Variants in AQP9 observed in about 807,000 individuals in gnomAD.
The protein encoded by AQP9 is aquaporin 9.
Under a neutral mutation model 23.8 loss-of-function variants are expected in AQP9, and 19 were observed. The ratio of observed to expected loss-of-function variants is 0.80; its 90% CI spans 0.56 to 1.17. AQP9 has a LOEUF of 1.17. AQP9 is among the 50% of genes most tolerant of loss of function. The pLI, the probability that AQP9 is intolerant of heterozygous loss-of-function variation, is 0.00. For synonymous variants in AQP9, 153 were observed against 131.5 expected, an observed-to-expected ratio of 1.16 and a Z score of -1.12; for missense variants, 413 against 362.0, an observed-to-expected ratio of 1.14 and a Z score of -1.14.
At chr15:58,145,482 G>C (rs113427096) in intron 1 of AQP9, among the ~76,000 whole-genome samples, 26 of 144,126 alleles carry the variant, frequency 1.8e-4, no homozygotes, top group African/African-American at 6.7e-4. Context: ...ATGAGACTTT[G>C]TGTCCAAAAA....
rs1443812684 is a variant in AQP9 at position 58,179,092 on chromosome 15, C to T, written c.496-36C>T. 3.4e-6 allele frequency: 5 copies of T among 1,464,520 alleles called. No individual in the cohort carries two copies. In the South Asian group the frequency reaches 5.7e-5, roughly 17 times the overall value. 90.7% of individuals were successfully genotyped at this position (1,464,520 alleles called of 1,614,324 possible). A position where few individuals can be genotyped will look rare whatever the true frequency, so the allele number is the denominator to read the frequency against. On this transcript the variant is annotated intron_variant, in intron 4 of 5. Transcript: ENST00000219919. ...TTGAGACATGCAGGTGAGCAGAATG[C>T]AGGCTAAAGCCCTGGCTCAACTTCT...
chr15:58,147,417 AG>A (rs1898066517), intron 1 of AQP9, among the ~76,000 whole-genome samples: 1 of 152,186 alleles, frequency 6.6e-6, no homozygotes, highest in Admixed American at 6.5e-5. Flanking sequence ...TGAAGAAATT[AG>A]GTGCCCATTA....
chr15:58,149,125 T>C (rs1340504635), intron 1 of AQP9, among the ~76,000 whole-genome samples: 1 of 152,216 alleles, frequency 6.6e-6, no homozygotes, highest in Non-Finnish European at 1.5e-5. Flanking sequence ...TGCATAAATC[T>C]GTACTCTGTG....
In AQP9 at chr15:58,179,222, G is replaced by C. The variant is rs770680734; in HGVS notation, c.590G>C (p.Gly197Ala). 1.2e-6 allele frequency: 2 copies of C among 1,614,100 alleles called. No individual in the cohort carries two copies. The highest frequency in any genetic ancestry group is 4.5e-5 in the East Asian group (2 of 44,876). The stretch of plus-strand genomic sequence containing the variant: ...AGAGGCCTAGAGCCCATTGCCATCG[G>C]CCTCCTGATTATTGTCATTGCTTCC... The part of the protein sequence containing the change: ...APRGLEPIAI[G>A]LLIIVIASSL... The change falls in exon 5 of 6, where the codon GGC becomes GCC. Residue 197 changes from glycine (G) to alanine (A), a missense_variant. Transcript: ENST00000219919.
Position 58,184,073 on chromosome 15 carries a change from G to C in AQP9, c.826G>C (p.Val276Leu), listed in dbSNP as rs1423124389. ...AATCCACCATCCAGAGCCTGACTCA[G>C]TCTTTAAGACAGAACAATCTGAGGA... ...IEIHHPEPDS[V>L]FKTEQSEDKP... The change falls in exon 6 of 6, where the codon GTC (valine) becomes CTC (leucine). Residue 276 changes from valine to leucine, a missense_variant. Coordinates refer to ENST00000219919, the MANE Select transcript of AQP9 (RefSeq NM_020980.5). 1 of 1,614,134 alleles carries C rather than the reference G, an allele frequency of 6.2e-7. No individual in the cohort carries two copies. Among genetic ancestry groups the C allele is most frequent in the Admixed American group, 1.7e-5 (1 of 60,028 alleles).
chr15:58,164,860 A>G (rs1243204345), intron 1 of AQP9, among the ~76,000 whole-genome samples: 2 of 152,160 alleles, frequency 1.3e-5, no homozygotes, highest in Admixed American at 6.5e-5. Flanking sequence ...GCTGTTTAGA[A>G]TTAATTCATC....
At chr15:58,160,638 A>G (rs1384352960) in intron 1 of AQP9, among the ~76,000 whole-genome samples, 2 of 49,120 alleles carry the variant, frequency 4.1e-5, no homozygotes, top group African/African-American at 7.9e-5. Context: ...AATTAACCTG[A>G]AAAAAAATGT....
intron 5 of AQP9, among the ~76,000 whole-genome samples, chr15:58,182,026 C>G (rs1017758373): frequency 6.6e-6 from 1 of 152,070 alleles, no homozygotes; most frequent in Non-Finnish European, 1.5e-5. Flanking sequence ...GTTCCCAGGT[C>G]CCCATGTACT....
Position 58,138,471 on chromosome 15 carries a change from C to A in AQP9, c.-95C>A. On this transcript the variant is annotated 5_prime_UTR_variant, in exon 1 of 6. Transcript: ENST00000219919. ...CCAGACATCTCCAGGAATCTGTGAG[C>A]CATTGTCAAAACGTCCATTTTCATC... 1 of 902,092 alleles carries A rather than the reference C, an allele frequency of 1.1e-6. No individual in the cohort carries two copies. Among genetic ancestry groups the A allele is most frequent in the Non-Finnish European group, 1.7e-6 (1 of 574,340 alleles). The allele number at this position is 902,092 out of a possible 1,614,324, so 55.9% of individuals were successfully genotyped here. A position where few individuals can be genotyped will look rare whatever the true frequency, so the allele number is the denominator to read the frequency against.
In AQP9 at chr15:58,166,756, A is replaced by G; in HGVS notation, c.195A>G (p.Ser65=). 1 of 1,614,006 alleles carries G rather than the reference A, an allele frequency of 6.2e-7. No individual in the cohort carries two copies. Among genetic ancestry groups the G allele is most frequent in the Non-Finnish European group, 8.5e-7 (1 of 1,179,882 alleles). The change falls in exon 2 of 6, where the codon TCA becomes TCG. Residue 65 remains serine, a synonymous_variant. Transcript: ENST00000219919. ...GGVITINVGF[S]MAVAMAIYVA... is the part of the protein sequence containing the mutation. Reference sequence around the variant, plus strand: ...TCATCACTATCAATGTTGGATTTTCAATGGCAGTTGCAATGGCCATTTATG... The same window carrying G: ...TCATCACTATCAATGTTGGATTTTCGATGGCAGTTGCAATGGCCATTTATG...
rs1899015918 is a variant in AQP9, at chr15:58,185,725, GC to G, written c.*1593del. 1 of 152,208 alleles carries G rather than the reference GC, an allele frequency of 6.6e-6. No individual in the cohort carries two copies. The allele number at this position is 152,208 out of a possible 1,614,324, so 9.4% of individuals were successfully genotyped here. A position where few individuals can be genotyped will look rare whatever the true frequency, so the allele number is the denominator to read the frequency against. On this transcript the variant is annotated 3_prime_UTR_variant, in exon 6 of 6. Transcript: ENST00000219919. ...GCACCTTCAGTCAAACTGTCAAAAA[GC>G]CCAGAATTCCCAAAGGCATTAGGTT...
Position 58,185,801 on chromosome 15 carries a change from T to C in AQP9, c.*1666T>C, listed in dbSNP as rs1899018060. 1 of 152,238 alleles carries C rather than the reference T, an allele frequency of 6.6e-6. No homozygotes were observed. The highest frequency in any genetic ancestry group is 1.5e-5 in the Non-Finnish European group (1 of 68,046). 9.4% of individuals were successfully genotyped at this position (152,238 alleles called of 1,614,324 possible). ...AGAACAGCAGAAATTAAATGTGAAA[T>C]GTTTCTGATGACTTATGTTCTACAA... is the stretch of plus-strand genomic sequence containing the variant. On this transcript the variant is annotated 3_prime_UTR_variant, in exon 6 of 6. Transcript: ENST00000219919.
rs183684540 is a variant in AQP9 at position 58,164,535 on chromosome 15, T to C, written c.112-2138T>C. ...AACAGTTATTATAATAGATAAGGATTCTAGAAAAAATAATGTCAAGTCTAG... is the reference window on the plus strand; with the variant it reads ...AACAGTTATTATAATAGATAAGGATCCTAGAAAAAATAATGTCAAGTCTAG... On this transcript the variant is annotated intron_variant, in intron 1 of 5. Transcript: ENST00000219919. 1.8e-3 allele frequency among the ~76,000 whole-genome samples: 270 copies of C among 152,304 alleles called. 1 individual carries two copies. Among genetic ancestry groups the C allele is most frequent in the African/African-American group, 6.2e-3 (257 of 41,564 alleles).
In AQP9 at chr15:58,184,103, C is replaced by T; in HGVS notation, c.856C>T (p.Pro286Ser). 6.2e-7 allele frequency: 1 copy of T among 1,614,052 alleles called. No individual in the cohort carries two copies. The highest frequency in any genetic ancestry group is 1.1e-5 in the South Asian group (1 of 91,082). The change falls in exon 6 of 6, where the codon CCA (proline) becomes TCA (serine). Residue 286 changes from proline to serine, a missense_variant. Physicochemically the swap from Pro to Ser is moderately conservative, Grantham distance 74 (BLOSUM62 -1). Coordinates refer to ENST00000219919, the MANE Select transcript of AQP9 (RefSeq NM_020980.5). ...TAAGACAGAACAATCTGAGGACAAA[C>T]CAGAGAAATATGAACTCAGTGTCAT... is the stretch of plus-strand genomic sequence containing the variant. ...VFKTEQSEDKPEKYELSVIM is the reference protein window; with the variant it reads ...VFKTEQSEDKSEKYELSVIM
chr15:58,144,922 G>A (rs751418291), intron 1 of AQP9, among the ~76,000 whole-genome samples: 34 of 150,274 alleles, frequency 2.3e-4, no homozygotes, highest in Non-Finnish European at 3.5e-4. Context: ...GCTGAGGCAG[G>A]AGAATCGCTT....
At chr15:58,157,003 A>G (rs372390838) in intron 1 of AQP9, among the ~76,000 whole-genome samples, 1 of 152,234 alleles carries the variant, frequency 6.6e-6, no homozygotes, top group Non-Finnish European at 1.5e-5. Flanking sequence ...GAGAATATAC[A>G]TATCACATAT....
intron 1 of AQP9, among the ~76,000 whole-genome samples, chr15:58,163,357 C>T (rs996916181): frequency 6.6e-5 from 10 of 152,040 alleles, no homozygotes; most frequent in Non-Finnish European, 1.3e-4. Flanking sequence ...AGGAGGAGTG[C>T]GTGGTGGACT....
At chr15:58,157,486 C>A (rs1456640811) in intron 1 of AQP9, among the ~76,000 whole-genome samples, 15 of 152,180 alleles carry the variant, frequency 9.9e-5, no homozygotes, top group Non-Finnish European at 7.3e-5. Context: ...AACTGTTCAA[C>A]TCCCTGGTTA....
chr15:58,175,907 A>G (rs1898743526), intron 4 of AQP9, among the ~76,000 whole-genome samples: 1 of 152,192 alleles, frequency 6.6e-6, no homozygotes, highest in Non-Finnish European at 1.5e-5. Flanking sequence ...TTAAAAACTC[A>G]CTATGTGCTT....
Sources: allele counts gnomAD v4.1 joint callset (sites outside exome capture counted in the v4.1 genomes callset), GRCh38; gene constraint gnomAD v4.1.1; transcripts MANE v1.5; gene names NCBI Gene and HGNC (gene_info 2026-07-23, HGNC 2026-07-21).